Variants in ERCC6L2 observed in about 807,000 individuals in gnomAD.
The protein encoded by ERCC6L2 is DNA excision repair protein ERCC-6-like 2.
ERCC6L2 carries 77 observed loss-of-function variants against 132.0 expected under a neutral mutation model. The observed-to-expected ratio is 0.58, with a 90% CI of 0.49 to 0.71. ERCC6L2 has a LOEUF of 0.71. ERCC6L2 is among the 30% of genes least tolerant of loss of function. ERCC6L2 has a pLI of 0.00. For missense variants in ERCC6L2, 1,542 were observed against 1,837.6 expected (o/e 0.84, Z 2.94); for synonymous variants, 583 against 632.4 (o/e 0.92, Z 1.17).
At chr9:95,934,797 A>G (rs1165170193) in intron 11 of ERCC6L2, among the ~76,000 whole-genome samples, 3 of 152,184 alleles carry the variant, frequency 2.0e-5, no homozygotes, top group African/African-American at 7.2e-5. Flanking sequence ...ACCTCTAGGT[A>G]GTCCAACACC....
At chr9:95,968,297 G>A (rs1832257548) in intron 14 of ERCC6L2, 1 of 152,018 alleles carries the variant, frequency 6.6e-6, no homozygotes, top group African/African-American at 2.4e-5. Flanking sequence ...AGAACACTAA[G>A]AATATTAACC....
chr9:96,031,136 T>C (rs1338064619), intron 19 of ERCC6L2, among the ~76,000 whole-genome samples: 2 of 152,202 alleles, frequency 1.3e-5, no homozygotes, highest in Non-Finnish European at 2.9e-5. Flanking sequence ...GTGCACTGTT[T>C]TCAGTGTTGA....
chr9:95,912,877 G>T (rs1468319728), intron 4 of ERCC6L2, among the ~76,000 whole-genome samples: 1 of 152,154 alleles, frequency 6.6e-6, no homozygotes, highest in African/African-American at 2.4e-5. Context: ...TAGTAAAGTG[G>T]TTTTGGCCCA....
intron 2 of ERCC6L2, among the ~76,000 whole-genome samples, chr9:95,891,631 A>G (rs1251063528): frequency 1.3e-5 from 2 of 151,642 alleles, no homozygotes; most frequent in African/African-American, 4.9e-5. Context: ...ACTATTTTCC[A>G]CAATGGCTAA....
intron 3 of ERCC6L2, among the ~76,000 whole-genome samples, chr9:95,903,850 A>C (rs935811694): frequency 2.6e-5 from 4 of 152,060 alleles, no homozygotes; most frequent in African/African-American, 7.2e-5. Flanking sequence ...TAGAAAACTC[A>C]AAGTACTAAA....
chr9:95,932,878 A>T (rs951058405), intron 11 of ERCC6L2, among the ~76,000 whole-genome samples: 3 of 152,042 alleles, frequency 2.0e-5, no homozygotes. Flanking sequence ...CAATATTAAA[A>T]TTTTTTTTGC....
At chr9:95,890,064 A>G (rs1451046138) in intron 2 of ERCC6L2, among the ~76,000 whole-genome samples, 1 of 152,136 alleles carries the variant, frequency 6.6e-6, no homozygotes, top group Non-Finnish European at 1.5e-5. Context: ...TGCTCCTTCA[A>G]CACATCTCCT....
At chr9:95,879,631 G>A (rs978419978) in intron 1 of ERCC6L2, among the ~76,000 whole-genome samples, 2 of 152,194 alleles carry the variant, frequency 1.3e-5, no homozygotes, top group South Asian at 2.1e-4. Context: ...CCAGAGAGTA[G>A]AGTGGGAGAG....
chr9:95,990,366 T>G (rs1833252237), intron 17 of ERCC6L2, among the ~76,000 whole-genome samples: 2 of 152,200 alleles, frequency 1.3e-5, no homozygotes, highest in African/African-American at 4.8e-5. Flanking sequence ...TTCCAGTTTA[T>G]TAGAGACTGG....
At position 95,876,062 on chromosome 9, in the gene ERCC6L2, C is replaced by T; in HGVS notation, c.24C>T (p.Pro8=). The T allele has an allele frequency of 1.9e-6, 3 of 1,584,744 alleles. No individual in the cohort carries two copies. The highest frequency in any genetic ancestry group is 2.3e-5 in the South Asian group (2 of 86,834). ...GGATGGATCCGTCGGCGCCACAGCC[C>T]CGCGCGGAAACCTCAGGCAAAGGTA... MDPSAPQ[P]RAETSGKDIW... Residue 8 remains proline (P), a synonymous_variant, in exon 1 of 19, where the codon CCC becomes CCT. Transcript: ENST00000653738.
At chr9:95,967,412 A>C (rs1832206704) in intron 14 of ERCC6L2, 1 of 152,120 alleles carries the variant, frequency 6.6e-6, no homozygotes, top group South Asian at 2.1e-4. Flanking sequence ...ATTTCTCTTG[A>C]CTTCCAGGAC....
chr9:95,991,327 T>C (rs1833293557), intron 17 of ERCC6L2, among the ~76,000 whole-genome samples: 1 of 152,148 alleles, frequency 6.6e-6, no homozygotes, highest in South Asian at 2.1e-4. Context: ...CTGTTACGAA[T>C]ATCTTTGAGG....
rs1831582193 is a variant in ERCC6L2 at position 95,956,011 on chromosome 9, C to A, written c.1945C>A (p.Gln649Lys). The A allele has an allele frequency of 6.4e-7, 1 of 1,563,244 alleles. No homozygotes were observed. The highest frequency in any genetic ancestry group is 1.9e-5 in the Admixed American group (1 of 53,774). Residue 649 changes from glutamine to lysine, a missense_variant and splice_region_variant, in exon 13 of 19, where the codon CAG becomes AAG. Physicochemically the swap from Gln to Lys is moderately conservative, Grantham distance 53. Coordinates refer to ENST00000653738, the MANE Select transcript of ERCC6L2 (RefSeq NM_020207.7). The stretch of plus-strand genomic sequence containing the variant: ...CATGTATTTACGACAGATATACAAG[C>A]AGGTAAATATGTTTCCCTTTTTCTG... ...EIMYLRQIYK[Q>K]QLHCVVVGSE... is the part of the protein sequence containing the mutation.
At chr9:96,003,440 G>A (rs905605410) in intron 17 of ERCC6L2, among the ~76,000 whole-genome samples, 4 of 152,230 alleles carry the variant, frequency 2.6e-5, no homozygotes, top group African/African-American at 7.2e-5. Context: ...CTGGGCATTC[G>A]TGTTTGTCAC....
chr9:95,893,381 A>G (rs979511330), intron 2 of ERCC6L2, among the ~76,000 whole-genome samples: 17 of 152,166 alleles, frequency 1.1e-4, no homozygotes, highest in Non-Finnish European at 1.9e-4. Context: ...TTTGGCTTCT[A>G]TATGAGTAAG....
chr9:95,918,426 G>A (rs898579149), intron 6 of ERCC6L2: 2 of 406,526 alleles, frequency 4.9e-6, no homozygotes, highest in Non-Finnish European at 9.7e-6. Flanking sequence ...ACAAGAAAAC[G>A]AGAAGGGCCT....
chr9:96,038,794 A>G (rs569038657), intron 19 of ERCC6L2: 20 of 452,386 alleles, frequency 4.4e-5, no homozygotes, highest in Non-Finnish European at 7.6e-5. Flanking sequence ...TTCCCCTCAT[A>G]CCGAATGGGG....
At chr9:95,954,604 A>C (rs1242393616) in intron 12 of ERCC6L2, 3 of 357,418 alleles carry the variant, frequency 8.4e-6, no homozygotes, top group Non-Finnish European at 1.7e-5. Flanking sequence ...ACAAGTGTCT[A>C]AAATTTTTGT....
At chr9:95,994,181 G>T (rs1479821381) in intron 17 of ERCC6L2, among the ~76,000 whole-genome samples, 1 of 152,192 alleles carries the variant, frequency 6.6e-6, no homozygotes, top group African/African-American at 2.4e-5. Flanking sequence ...TGGATATGAG[G>T]GCTTGTGGCC....
Sources: gnomAD v4.1 joint callset for allele counts (sites outside exome capture counted in the v4.1 genomes callset) on GRCh38, gnomAD v4.1.1 for gene constraint, MANE v1.5 for transcripts, NCBI Gene and HGNC (gene_info 2026-07-23, HGNC 2026-07-21) for gene names.